PI4KA: variants seen among roughly 807,000 people sequenced by gnomAD.
The protein encoded by PI4KA is phosphatidylinositol 4-kinase alpha.
A neutral mutation model predicts 271.4 loss-of-function variants in PI4KA; 122 were observed. The observed-to-expected ratio is 0.45, with a 90% CI of 0.39 to 0.52. PI4KA has a LOEUF of 0.52. PI4KA is among the 20% of genes least tolerant of loss of function. The pLI, the probability that PI4KA is intolerant of heterozygous loss-of-function variation, is 0.00. For synonymous variants in PI4KA, 1,041 were observed against 1,078.8 expected, an observed-to-expected ratio of 0.96 and a Z score of 0.69; for missense variants, 1,969 against 2,769.1, an observed-to-expected ratio of 0.71 and a Z score of 6.48.
intron 32 of PI4KA, chr22:20,736,371 G>C (rs1470616256): frequency 6.6e-6 from 1 of 151,480 alleles, no homozygotes; most frequent in Non-Finnish European, 1.5e-5. Flanking sequence ...TGGAAGTCAG[G>C]TGGGAAGGGG....
intron 10 of PI4KA, among the ~76,000 whole-genome samples, chr22:20,805,698 G>C (rs956376717): frequency 2.0e-5 from 3 of 151,956 alleles, no homozygotes; most frequent in African/African-American, 7.3e-5. Flanking sequence ...CGGGCGTGGT[G>C]GTGGGCGCCT....
In PI4KA at chr22:20,796,154, C is replaced by T. The variant is rs140922918; in HGVS notation, c.2269G>A (p.Ala757Thr). 2 of 1,613,226 alleles carry T rather than the reference C, an allele frequency of 1.2e-6. No individual in the cohort carries two copies. Among genetic ancestry groups the T allele is most frequent in the African/African-American group, 1.3e-5 (1 of 75,018 alleles). The part of the protein sequence containing the change: ...ASERASEKGP[A>T]LKASSSAGNL... Reference sequence around the variant, plus strand: ...GCCATCCTCCTTCCTACCTTTAGGGCAGGGCCCTTCTCGCTTGCCCTCTCG... The same window carrying T: ...GCCATCCTCCTTCCTACCTTTAGGGTAGGGCCCTTCTCGCTTGCCCTCTCG... The change falls in exon 18 of 55, where the codon GCC becomes ACC. Residue 757 changes from alanine to threonine, a missense_variant. Coordinates refer to ENST00000255882, the MANE Select transcript of PI4KA (RefSeq NM_058004.4).
rs1195643948 is a variant in PI4KA, at chr22:20,819,783, G to A, written c.647C>T (p.Ser216Phe). The change falls in exon 6 of 55, where the codon TCC (serine) becomes TTC (phenylalanine). Residue 216 changes from serine to phenylalanine, a missense_variant. This residue lies in a region of PI4KA where 540 missense variants were observed against 555.5 expected (regional missense o/e 0.97). Transcript: ENST00000255882. ...TTCAAGCTCTTCCAGGACACGGAGG[G>A]AATGAGGAGGGATTTTGGGAAAGAG... ...SKLFPKIPPH[S>F]LRVLEELEGV... 3.1e-6 allele frequency: 5 copies of A among 1,614,070 alleles called. No individual in the cohort carries two copies. The highest frequency in any genetic ancestry group is 1.6e-4 in the Middle Eastern group (1 of 6,084).
intron 11 of PI4KA, 32 bp from the exon 12 acceptor site, chr22:20,804,432 A>G (rs1003219475): frequency 6.3e-6 from 9 of 1,421,486 alleles, no homozygotes; most frequent in African/African-American, 2.8e-5. Context: ...GAGATGAGTG[A>G]TCAGCACAGG....
At chr22:20,749,533 G>T (rs1346774686) in intron 28 of PI4KA, among the ~76,000 whole-genome samples, 2 of 152,242 alleles carry the variant, frequency 1.3e-5, no homozygotes, top group Non-Finnish European at 2.9e-5. Flanking sequence ...CCTTGGTCAG[G>T]CCCCTGCCTT....
chr22:20,730,456 G>C (rs1277994925), intron 36 of PI4KA, among the ~76,000 whole-genome samples: 1 of 151,890 alleles, frequency 6.6e-6, no homozygotes, highest in Non-Finnish European at 1.5e-5. Context: ...TGTATTTTTA[G>C]TAGAGACAAG....
chr22:20,844,691 T>C (rs1269628813), intron 1 of PI4KA, among the ~76,000 whole-genome samples: 5 of 152,186 alleles, frequency 3.3e-5, no homozygotes, highest in African/African-American at 9.7e-5. Context: ...CCAGTTCTGG[T>C]GGGTGCCATT....
chr22:20,713,120 T>C (rs1925527779), intron 48 of PI4KA, 161 bp downstream of exon 48: 1 of 705,782 alleles, frequency 1.4e-6, no homozygotes, highest in South Asian at 1.7e-5. Context: ...GAGAGGCCTC[T>C]GGGTTTTGCA....
rs1173374628 is a variant in PI4KA at position 20,819,696 on chromosome 22, ACAGT to A, written c.730_733del (p.Thr244SerfsTer7). On this transcript the variant is annotated frameshift_variant, in exon 6 of 55. Transcript: ENST00000255882. LOFTEE classifies it high-confidence loss of function. ...CCTCTTCAGGGTACCCTCCTGACAG[ACAGT>A]CAGCAGATTGCTGGGGAGGATGGAG... 3 of 1,613,944 alleles carry A rather than the reference ACAGT, an allele frequency of 1.9e-6. No homozygotes were observed. The highest frequency in any genetic ancestry group is 1.6e-4 in the Middle Eastern group (1 of 6,062).
At chr22:20,731,040 G>A (rs1927979879) in intron 36 of PI4KA, among the ~76,000 whole-genome samples, 1 of 152,052 alleles carries the variant, frequency 6.6e-6, no homozygotes, top group Non-Finnish European at 1.5e-5. Flanking sequence ...TTAGCCAGGG[G>A]ACCTGGCATG....
intron 13 of PI4KA, 78 bp from the exon 14 acceptor site, chr22:20,802,183 G>A (rs1384611454): frequency 7.7e-7 from 1 of 1,300,610 alleles, no homozygotes; most frequent in Non-Finnish European, 1.1e-6. Flanking sequence ...CAAAAACCAA[G>A]ATAATATGCT....
intron 14 of PI4KA, among the ~76,000 whole-genome samples, chr22:20,800,008 A>G (rs187226359): frequency 2.0e-5 from 3 of 152,296 alleles, no homozygotes; most frequent in Admixed American, 2.0e-4. Context: ...TTCCTTTGGA[A>G]TATCATGCTC....
intron 18 of PI4KA, among the ~76,000 whole-genome samples, chr22:20,794,387 C>T (rs1218064019): frequency 6.6e-6 from 1 of 152,168 alleles, no homozygotes; most frequent in Non-Finnish European, 1.5e-5. Context: ...ATCATCAGTA[C>T]CCCACTCTTA....
At chr22:20,808,374 A>C (rs1464609398) in intron 9 of PI4KA, among the ~76,000 whole-genome samples, 2 of 151,634 alleles carry the variant, frequency 1.3e-5, no homozygotes, top group Non-Finnish European at 2.9e-5. Context: ...TCACGAGATC[A>C]GGAGTTCAGG....
intron 43 of PI4KA, among the ~76,000 whole-genome samples, chr22:20,719,802 G>A (rs1475848135): frequency 2.6e-5 from 4 of 152,012 alleles, no homozygotes; most frequent in Admixed American, 6.6e-5. Context: ...CGACGTGAGT[G>A]GACCACAAGG....
intron 1 of PI4KA, 106 bp downstream of exon 1, chr22:20,858,464 G>T: frequency 1.2e-6 from 1 of 817,944 alleles, no homozygotes; most frequent in Non-Finnish European, 1.7e-6. Context: ...CGCACAGGCT[G>T]CCGGCGAGCC....
chr22:20,795,866 C>T (rs1426587039), intron 18 of PI4KA, among the ~76,000 whole-genome samples: 2 of 152,016 alleles, frequency 1.3e-5, no homozygotes, highest in South Asian at 2.1e-4. Context: ...GAGAGGTGCC[C>T]GTGGGGAGCT....
intron 35 of PI4KA, 143 bp from the exon 36 acceptor site, chr22:20,733,241 C>A: frequency 1.2e-6 from 1 of 810,842 alleles, no homozygotes; most frequent in South Asian, 1.6e-5. Context: ...CAAGGATGAT[C>A]TGGCCCATTC....
chr22:20,711,599 GCA>G, intron 50 of PI4KA, 138 bp from the exon 51 acceptor site: 1 of 939,866 alleles, frequency 1.1e-6, no homozygotes, highest in South Asian at 1.6e-5. Flanking sequence ...GCCCGAATCA[GCA>G]AGCCAGTCTT....
Sources: allele counts gnomAD v4.1 joint callset (sites outside exome capture counted in the v4.1 genomes callset), GRCh38; gene constraint gnomAD v4.1.1; regional missense constraint gnomAD v4.1.1; transcripts MANE v1.5; gene names NCBI Gene and HGNC (gene_info 2026-07-23, HGNC 2026-07-21).